The following GPLD1 variants were observed in gnomAD, a reference collection of about 807,000 sequenced individuals.
GPLD1 encodes the protein glycosylphosphatidylinositol specific phospholipase D1, also known as phosphatidylinositol-glycan-specific phospholipase D.
A neutral mutation model predicts 112.6 loss-of-function variants in GPLD1; 84 were observed. The ratio of observed to expected loss-of-function variants is 0.75; its 90% CI spans 0.63 to 0.89. The LOEUF is 0.89. Among genes scored for constraint, GPLD1 ranks in the 40% least tolerant of loss-of-function variants. The pLI, the probability that GPLD1 is intolerant of heterozygous loss-of-function variation, is 0.00. For missense variants in GPLD1, 1,044 were observed against 1,051.5 expected, an observed-to-expected ratio of 0.99 and a Z score of 0.10; for synonymous variants, 386 against 403.8, an observed-to-expected ratio of 0.96 and a Z score of 0.53.
Position 24,458,877 on chromosome 6 carries a change from C to CAA in GPLD1, c.1008+1400_1008+1401dup, listed in dbSNP as rs71757341. Among the ~76,000 whole-genome samples, 405 of 143,110 alleles carry CAA rather than the reference C, an allele frequency of 2.8e-3. 1 individual carries two copies. The highest frequency in any genetic ancestry group is 6.1e-3 in the African/African-American group (236 of 38,568). The allele number at this position is 143,110 out of a possible 152,430, so 93.9% of individuals were successfully genotyped here. On this transcript the variant is annotated intron_variant, in intron 12 of 24. Coordinates refer to ENST00000230036, the MANE Select transcript of GPLD1 (RefSeq NM_001503.4). ...CAGGTGACAGAGCAAGACTCTGTCT[C>CAA]AAAAAAAAAAAAATTGTTAAGAATT...
rs1230589083 is a variant in GPLD1, at chr6:24,427,820, T to C, written c.*1212A>G. ...GAGATCACATCACTGCACTCCAGCCTGGGCAACAGAGCAAGACTCCGTCTC... is the reference window on the plus strand; with the variant it reads ...GAGATCACATCACTGCACTCCAGCCCGGGCAACAGAGCAAGACTCCGTCTC... On this transcript the variant is annotated 3_prime_UTR_variant, in exon 25 of 25. Transcript: ENST00000230036. Among the ~76,000 whole-genome samples, 1 of 117,062 alleles carries C rather than the reference T, an allele frequency of 8.5e-6. No homozygotes were observed. Among genetic ancestry groups the C allele is most frequent in the Non-Finnish European group, 1.6e-5 (1 of 62,018 alleles). 76.8% of individuals were successfully genotyped at this position (117,062 alleles called of 152,430 possible). A position where few individuals can be genotyped will look rare whatever the true frequency, so the allele number is the denominator to read the frequency against.
intron 12 of GPLD1, 90 bp downstream of exon 12, chr6:24,460,189 A>G (rs1489527054): frequency 2.7e-6 from 4 of 1,465,682 alleles, no homozygotes; most frequent in African/African-American, 2.8e-5. Flanking sequence ...GTAAATTTCA[A>G]TGGACAAATA....
intron 2 of GPLD1, among the ~76,000 whole-genome samples, chr6:24,485,715 G>A (rs1764351224): frequency 6.6e-6 from 1 of 150,970 alleles, no homozygotes; most frequent in African/African-American, 2.4e-5. Flanking sequence ...TGTTGCCCAG[G>A]CTGAAGTGCA....
In GPLD1 at chr6:24,485,723, G is replaced by A. The variant is rs568081428; in HGVS notation, c.153+352C>T. Among the ~76,000 whole-genome samples, 13 of 148,824 alleles carry A rather than the reference G, an allele frequency of 8.7e-5. No individual in the cohort carries two copies. In the South Asian group the frequency reaches 2.8e-3, roughly 32 times the overall value. On this transcript the variant is annotated intron_variant, in intron 2 of 24. Transcript: ENST00000230036. Reference sequence around the variant, plus strand: ...TCACTCTTGTTGCCCAGGCTGAAGTGCAGTGGTGCAATCTCAGCTCACCAC... The same window carrying A: ...TCACTCTTGTTGCCCAGGCTGAAGTACAGTGGTGCAATCTCAGCTCACCAC...
At chr6:24,456,692 C>T in intron 12 of GPLD1, 55 bp from the exon 13 acceptor site, 6 of 1,209,022 alleles carry the variant, frequency 5.0e-6, no homozygotes, top group East Asian at 2.4e-5. Flanking sequence ...ATCAACAAAG[C>T]TACTGTTTCC....
At chr6:24,486,682 G>A (rs1161143184) in intron 1 of GPLD1, among the ~76,000 whole-genome samples, 3 of 152,116 alleles carry the variant, frequency 2.0e-5, no homozygotes, top group African/African-American at 7.2e-5. Flanking sequence ...GCCAGGCATG[G>A]TGGCGCATGC....
In GPLD1 at chr6:24,428,055, C is replaced by A. The variant is rs920621292; in HGVS notation, c.*977G>T. ...TAAAACCTTCACATGTACCACTGAA[C>A]CTAAAATAAAAGTTAAAAAGGACTA... is the stretch of plus-strand genomic sequence containing the variant. On this transcript the variant is annotated 3_prime_UTR_variant, in exon 25 of 25. Transcript: ENST00000230036. 1.3e-5 allele frequency: 2 copies of A among 151,658 alleles called. No individual in the cohort carries two copies. The highest frequency in any genetic ancestry group is 2.4e-5 in the African/African-American group (1 of 41,272). 9.4% of individuals were successfully genotyped at this position (151,658 alleles called of 1,614,324 possible).
chr6:24,448,113 T>A (rs1301042136), intron 16 of GPLD1, 21 bp downstream of exon 16: 1 of 1,611,414 alleles, frequency 6.2e-7, no homozygotes, highest in Non-Finnish European at 8.5e-7. Context: ...TTTCTGCACC[T>A]GGCTAAAGTG....
chr6:24,442,064 C>T (rs941815267), intron 20 of GPLD1, among the ~76,000 whole-genome samples: 2 of 148,558 alleles, frequency 1.3e-5, no homozygotes, highest in Admixed American at 6.8e-5. Context: ...CTTATACACA[C>T]TTTATAAATT....
chr6:24,481,918 C>T (rs1764214581), intron 2 of GPLD1, among the ~76,000 whole-genome samples: 1 of 152,056 alleles, frequency 6.6e-6, no homozygotes, highest in Admixed American at 6.6e-5. Context: ...CTGTTCTAAG[C>T]TCCTTATATG....
chr6:24,483,103 G>A (rs916117853), intron 2 of GPLD1, among the ~76,000 whole-genome samples: 2 of 152,036 alleles, frequency 1.3e-5, no homozygotes, highest in African/African-American at 2.4e-5. Flanking sequence ...TGACGCGGGC[G>A]GATCACTCGA....
At position 24,489,385 on chromosome 6, in the gene GPLD1, TCAA is replaced by T. The variant is rs748795487; in HGVS notation, c.97+27_97+29del. On this transcript the variant is annotated intron_variant, in intron 1 of 24. Transcript: ENST00000230036. ...TGTCTTTGACAGATGTATTGTCCTC[TCAA>T]CAACATAACAAGACACCAGTACTTA... The T allele has an allele frequency of 6.2e-6, 9 of 1,443,970 alleles. 1 individual carries two copies. The highest frequency in any genetic ancestry group is 1.4e-5 in the African/African-American group (1 of 71,676). 89.4% of individuals were successfully genotyped at this position (1,443,970 alleles called of 1,614,324 possible).
intron 7 of GPLD1, among the ~76,000 whole-genome samples, chr6:24,468,336 G>A (rs1016537981): frequency 6.6e-6 from 1 of 152,154 alleles, no homozygotes; most frequent in Admixed American, 6.5e-5. Context: ...CTGCTCACCT[G>A]AGACAAATGT....
At chr6:24,469,328 C>G (rs1243296087) in intron 7 of GPLD1, among the ~76,000 whole-genome samples, 1 of 136,154 alleles carries the variant, frequency 7.3e-6, no homozygotes, top group Admixed American at 7.8e-5. Context: ...CACATGCACA[C>G]GTATGTTTAT....
Position 24,476,272 on chromosome 6 carries a change from A to C in GPLD1, c.239T>G (p.Phe80Cys). The change falls in exon 4 of 25, where the codon TTC becomes TGC. Residue 80 changes from phenylalanine to cysteine, a missense_variant. Transcript: ENST00000230036. Reference protein sequence around the residue: ...FYPSICKGGKFHDVSESTHWT... With the variant: ...FYPSICKGGKCHDVSESTHWT... ...GTGAGTGCTCTCAGACACATCATGGAATTTTCCTGACAAAACAAAAGCAGG... is the reference window on the plus strand; with the variant it reads ...GTGAGTGCTCTCAGACACATCATGGCATTTTCCTGACAAAACAAAAGCAGG... 1 of 1,525,462 alleles carries C rather than the reference A, an allele frequency of 6.6e-7. No individual in the cohort carries two copies. Among genetic ancestry groups the C allele is most frequent in the Non-Finnish European group, 9.0e-7 (1 of 1,116,800 alleles). 94.5% of individuals were successfully genotyped at this position (1,525,462 alleles called of 1,614,324 possible).
chr6:24,453,698 T>TTGTGTGTG (rs757136593), intron 14 of GPLD1, among the ~76,000 whole-genome samples: 3 of 35,974 alleles, frequency 8.3e-5, no homozygotes, highest in Non-Finnish European at 2.3e-4. Context: ...TACATACATT[T>TTGTGTGTG]CGTGTGTGTG....
At chr6:24,425,284 G>A (rs1027856173), downstream of GPLD1, 2 of 152,090 alleles carry the variant, frequency 1.3e-5, no homozygotes, top group South Asian at 2.1e-4. Flanking sequence ...ATCCCAGAGG[G>A]CAACATTTGA....
At chr6:24,431,976 A>G (rs916445611) in intron 24 of GPLD1, among the ~76,000 whole-genome samples, 1 of 151,966 alleles carries the variant, frequency 6.6e-6, no homozygotes, top group Non-Finnish European at 1.5e-5. Flanking sequence ...AATGCTCACT[A>G]TGGCCTTGTC....
At chr6:24,455,126 TTAAGG>T (rs1444206515) in intron 13 of GPLD1, among the ~76,000 whole-genome samples, 56 of 152,302 alleles carry the variant, frequency 3.7e-4, no homozygotes, top group African/African-American at 1.3e-3. Context: ...GAGCAGTTGT[TTAAGG>T]CTGTGATACC....
Sources: allele counts gnomAD v4.1 joint callset (sites outside exome capture counted in the v4.1 genomes callset), GRCh38; gene constraint gnomAD v4.1.1; transcripts MANE v1.5; gene names NCBI Gene and HGNC (gene_info 2026-07-23, HGNC 2026-07-21).